THSD7A: variants seen among roughly 807,000 people sequenced by gnomAD.
The protein encoded by THSD7A is thrombospondin type-1 domain-containing protein 7A.
In THSD7A, 96 loss-of-function variants were observed where a neutral mutation model predicts 231.3. The observed-to-expected ratio is 0.41, with a 90% CI of 0.35 to 0.49. THSD7A has a LOEUF of 0.49. THSD7A is among the 20% of genes least tolerant of loss of function. THSD7A has a pLI of 0.05. For synonymous variants in THSD7A, 940 were observed against 743.3 expected, an observed-to-expected ratio of 1.26 and a Z score of -4.30; for missense variants, 2,290 against 2,070.2, an observed-to-expected ratio of 1.11 and a Z score of -2.06.
chr7:11,424,749 G>T lies in THSD7A; in HGVS notation c.3330C>A (p.Thr1110=). The T allele has an allele frequency of 6.2e-7, 1 of 1,613,962 alleles. No homozygotes were observed. Among genetic ancestry groups the T allele is most frequent in the Non-Finnish European group, 8.5e-7 (1 of 1,179,882 alleles). Residue 1110 remains threonine (T), a synonymous_variant, in exon 16 of 28, where the codon ACC becomes ACA. Transcript: ENST00000423059. ...VTEPWSICKV[T]FVNMRENCGE... Reference sequence around the variant, plus strand: ...CACAGTTCTCCCGCATATTCACAAAGGTCACCTTGCAGATGCTCCAGGGCT... The same window carrying T: ...CACAGTTCTCCCGCATATTCACAAATGTCACCTTGCAGATGCTCCAGGGCT...
intron 23 of THSD7A, among the ~76,000 whole-genome samples, chr7:11,394,601 A>G (rs998076144): frequency 6.6e-6 from 1 of 152,182 alleles, no homozygotes; most frequent in African/African-American, 2.4e-5. Context: ...TTGACCAAGA[A>G]CCGATCTTTG....
chr7:11,688,334 G>T (rs528420908), intron 1 of THSD7A, among the ~76,000 whole-genome samples: 9 of 151,846 alleles, frequency 5.9e-5, no homozygotes, highest in African/African-American at 2.2e-4. Flanking sequence ...CAGTTACTGG[G>T]AATTTCTAGC....
intron 26 of THSD7A, chr7:11,378,833 T>C (rs1040723134): frequency 6.0e-6 from 3 of 503,580 alleles, no homozygotes; most frequent in African/African-American, 1.9e-5. Flanking sequence ...AATTGAATTA[T>C]ATTGATCCAA....
At chr7:11,593,127 G>T in intron 3 of THSD7A, 127 bp downstream of exon 3, 2 of 1,317,738 alleles carry the variant, frequency 1.5e-6, no homozygotes, top group Non-Finnish European at 2.0e-6. Context: ...TTTTTTTTAA[G>T]GATACTGTTT....
At position 11,386,169 on chromosome 7, in the gene THSD7A, A is replaced by G. The variant is rs565364421; in HGVS notation, c.4412-3553T>C. Among the ~76,000 whole-genome samples, 333 of 152,322 alleles carry G rather than the reference A, an allele frequency of 2.2e-3. 1 individual carries two copies. Among genetic ancestry groups the G allele is most frequent in the Admixed American group, 0.018 (275 of 15,302 alleles). ...CTTTGCTATTGTGAACAGTGCTGCA[A>G]TAAACATATGTGTGCATGTGTCTTT... is the stretch of plus-strand genomic sequence containing the variant. On this transcript the variant is annotated intron_variant, in intron 23 of 27. Transcript: ENST00000423059.
chr7:11,379,250 T>G lies in THSD7A; in HGVS notation c.4621A>C (p.Thr1541Pro). Residue 1541 changes from threonine to proline, a missense_variant, in exon 26 of 28, where the codon ACT (threonine) becomes CCT (proline). By Grantham distance (38) the Thr-to-Pro change is conservative. Transcript: ENST00000423059. ...TKTCHCEEGY[T>P]EVMSSNSTLE... ...GTGCTGTTAGAAGACATGACTTCAG[T>G]GTACCCTTCTTCACAATGGCATGTT... is the stretch of plus-strand genomic sequence containing the variant. 2 of 1,613,660 alleles carry G rather than the reference T, an allele frequency of 1.2e-6. No individual in the cohort carries two copies. The highest frequency in any genetic ancestry group is 1.7e-6 in the Non-Finnish European group (2 of 1,179,638).
chr7:11,761,306 T>A (rs1281049930), intron 1 of THSD7A, among the ~76,000 whole-genome samples: 1 of 152,122 alleles, frequency 6.6e-6, no homozygotes, highest in African/African-American at 2.4e-5. Context: ...CCAACATCTG[T>A]TAACTGAAGG....
At chr7:11,715,592 T>C (rs903187257) in intron 1 of THSD7A, among the ~76,000 whole-genome samples, 4 of 151,618 alleles carry the variant, frequency 2.6e-5, no homozygotes, top group South Asian at 2.1e-4. Flanking sequence ...GATTTGAGAA[T>C]TATATATTTT....
At chr7:11,437,592 G>A (rs1026059308) in intron 13 of THSD7A, among the ~76,000 whole-genome samples, 26 of 151,988 alleles carry the variant, frequency 1.7e-4, no homozygotes, top group Non-Finnish European at 7.4e-5. Context: ...AATCTGAAAT[G>A]CATTAGACAT....
intron 23 of THSD7A, among the ~76,000 whole-genome samples, chr7:11,396,695 A>G (rs960727337): frequency 6.6e-6 from 1 of 152,232 alleles, no homozygotes; most frequent in African/African-American, 2.4e-5. Context: ...ACATTCTACC[A>G]GAGGTACAAA....
At chr7:11,719,076 G>C (rs1336727154) in intron 1 of THSD7A, among the ~76,000 whole-genome samples, 6 of 151,590 alleles carry the variant, frequency 4.0e-5, no homozygotes, top group Admixed American at 1.3e-4. Flanking sequence ...ATGCGCTCAT[G>C]TGTGTTTTTC....
At chr7:11,805,450 T>A (rs1459678953) in intron 1 of THSD7A, among the ~76,000 whole-genome samples, 1 of 152,184 alleles carries the variant, frequency 6.6e-6, no homozygotes, top group Non-Finnish European at 1.5e-5. Context: ...TACACAGATT[T>A]TAGTGGTCTC....
At chr7:11,737,827 A>G (rs2128159702) in intron 1 of THSD7A, among the ~76,000 whole-genome samples, 1 of 152,182 alleles carries the variant, frequency 6.6e-6, no homozygotes, top group South Asian at 2.1e-4. Context: ...AGAGTAGAAA[A>G]TGATAATTTT....
At chr7:11,732,159 A>G (rs1457243149) in intron 1 of THSD7A, among the ~76,000 whole-genome samples, 1 of 151,800 alleles carries the variant, frequency 6.6e-6, no homozygotes, top group Non-Finnish European at 1.5e-5. Context: ...CATCAGATGC[A>G]TGAGTACATG....
chr7:11,477,120 A>G (rs575370785), intron 7 of THSD7A, among the ~76,000 whole-genome samples: 8 of 152,170 alleles, frequency 5.3e-5, no homozygotes, highest in Admixed American at 5.2e-4. Context: ...AAGTTTGCCA[A>G]CTGTCCCAAA....
At chr7:11,379,971 T>C (rs1010604815) in intron 24 of THSD7A, among the ~76,000 whole-genome samples, 2 of 152,186 alleles carry the variant, frequency 1.3e-5, no homozygotes, top group African/African-American at 2.4e-5. Context: ...AATGATTTTA[T>C]AGCTGCTATT....
At chr7:11,384,158 A>G (rs549655501) in intron 23 of THSD7A, 66 of 151,648 alleles carry the variant, frequency 4.4e-4, no homozygotes, top group Non-Finnish European at 8.0e-4. Flanking sequence ...AATAAATATT[A>G]TAAGTTTTCT....
chr7:11,636,645 C>T lies in THSD7A; in HGVS notation c.507G>A (p.Ala169=), dbSNP rs867019373. Residue 169 remains alanine (A), a synonymous_variant, in exon 2 of 28, where the codon GCG becomes GCA. Transcript: ENST00000423059. The surrounding 1 kb of genome is among the most constrained non-coding windows in gnomAD (Gnocchi z 10.0). ...CAAAGTACTCACAGATGATATCCTCCGCAGGAATGTCTTTGTCTTTCTGGA... is the reference window on the plus strand; with the variant it reads ...CAAAGTACTCACAGATGATATCCTCTGCAGGAATGTCTTTGTCTTTCTGGA... ...ACIQKDKDIP[A]EDIICEYFEP... 13 of 1,613,858 alleles carry T rather than the reference C, an allele frequency of 8.1e-6. No homozygotes were observed. Among genetic ancestry groups the T allele is most frequent in the East Asian group, 6.7e-5 (3 of 44,894 alleles).
chr7:11,545,858 C>A (rs191697776), intron 4 of THSD7A, among the ~76,000 whole-genome samples: 1 of 152,296 alleles, frequency 6.6e-6, no homozygotes, highest in African/African-American at 2.4e-5. Flanking sequence ...TCCCAAGGCT[C>A]ACCACACTCT....
Sources: allele counts gnomAD v4.1 joint callset (sites outside exome capture counted in the v4.1 genomes callset), GRCh38; gene constraint gnomAD v4.1.1; non-coding constraint Gnocchi (gnomAD v3.1); transcripts MANE v1.5; gene names NCBI Gene and HGNC (gene_info 2026-07-23, HGNC 2026-07-21).